Variants in ANK2 observed in about 807,000 individuals in gnomAD.
ANK2 encodes ankyrin-2.
In ANK2, 83 loss-of-function variants were observed where a neutral mutation model predicts 360.5. The ratio of observed to expected loss-of-function variants is 0.23; its 90% CI spans 0.19 to 0.28. The LOEUF is 0.28. Ranked by LOEUF, ANK2 falls within the 10% of genes least tolerant of loss-of-function variation. The pLI is 1.00. For synonymous variants in ANK2, 1,740 were observed against 1,759.5 expected (o/e 0.99, Z 0.28); for missense variants, 4,201 against 4,795.7 (o/e 0.88, Z 3.66).
chr4:112,761,334 G>T, the ANK2 span, among the ~76,000 whole-genome samples: 1 of 151,998 alleles, frequency 6.6e-6, no homozygotes, highest in Admixed American at 6.6e-5. Context: ...TAAAAATAAA[G>T]TTCTCGCCTG....
chr4:113,214,062 G>A lies in ANK2; in HGVS notation c.384+14953G>A, dbSNP rs1209479240. On this transcript the variant is annotated intron_variant, in intron 4 of 45. Transcript: ENST00000357077. ...CTCAGCTCCTTACATGGGCTTTGGT[G>A]GGGGACGTGGGGCAGCACCCGCAGG... 2.8e-6 allele frequency: 2 copies of A among 720,652 alleles called. 1 individual carries two copies. Among genetic ancestry groups the A allele is most frequent in the Non-Finnish European group, 4.7e-6 (2 of 428,998 alleles). 44.6% of individuals were successfully genotyped at this position (720,652 alleles called of 1,614,324 possible).
chr4:112,984,719 C>A (rs2044270147), intron 2 of ANK2, among the ~76,000 whole-genome samples: 1 of 152,052 alleles, frequency 6.6e-6, no homozygotes, highest in Admixed American at 6.5e-5. Context: ...GAAATTTACC[C>A]AATCATGAGA....
chr4:113,128,557 T>G (rs2095810032), intron 1 of ANK2, among the ~76,000 whole-genome samples: 1 of 152,218 alleles, frequency 6.6e-6, no homozygotes, highest in Non-Finnish European at 1.5e-5. Context: ...TGGCGCGATC[T>G]CGGCTCACTG....
the ANK2 span, among the ~76,000 whole-genome samples, chr4:112,719,883 G>C: frequency 6.6e-6 from 1 of 152,122 alleles, no homozygotes; most frequent in Non-Finnish European, 1.5e-5. Flanking sequence ...GAATTGCAAA[G>C]GCTTGGAAGT....
In ANK2 at chr4:113,255,860, T is replaced by C; in HGVS notation, c.1116T>C (p.Ala372=). 1 of 1,614,240 alleles carries C rather than the reference T, an allele frequency of 6.2e-7. No individual in the cohort carries two copies. Among genetic ancestry groups the C allele is most frequent in the Non-Finnish European group, 8.5e-7 (1 of 1,180,044 alleles). ...ACTACCTGACAGCCCTCCACGTTGC[T>C]GCGCACTGTGGCCACTACCGTGTAA... The part of the protein sequence containing the change: ...TLDYLTALHV[A]AHCGHYRVTK... Residue 372 remains alanine (A), a synonymous_variant, in exon 11 of 46, where the codon GCT becomes GCC. Transcript: ENST00000357077.
At chr4:112,735,077 T>C in the ANK2 span, among the ~76,000 whole-genome samples, 47 of 152,330 alleles carry the variant, frequency 3.1e-4, no homozygotes, top group African/African-American at 6.7e-4. Context: ...GAAATATAAC[T>C]CTAACTTCAG....
At chr4:113,174,326 T>C in intron 1 of ANK2, 90 bp from the exon 2 acceptor site, 1 of 1,101,742 alleles carries the variant, frequency 9.1e-7, no homozygotes, top group Non-Finnish European at 1.3e-6. Context: ...AAAGCTTTTC[T>C]GACTTCAGTG....
chr4:113,140,678 C>T (rs1345345110), intron 1 of ANK2, among the ~76,000 whole-genome samples: 1 of 151,976 alleles, frequency 6.6e-6, no homozygotes, highest in Admixed American at 6.6e-5. Flanking sequence ...AGCACTAGCC[C>T]TTTAAGAATA....
intron 2 of ANK2, among the ~76,000 whole-genome samples, chr4:112,994,639 A>G (rs2047939512): frequency 6.6e-6 from 1 of 152,172 alleles, no homozygotes; most frequent in African/African-American, 2.4e-5. Flanking sequence ...CAGGGGGTAC[A>G]TGTGCAATCT....
At chr4:113,015,007 C>T (rs10014679) in intron 2 of ANK2, among the ~76,000 whole-genome samples, 1 of 151,554 alleles carries the variant, frequency 6.6e-6, no homozygotes, top group Admixed American at 6.6e-5. Context: ...TACAGGCGCC[C>T]GCCACCACGC....
rs747833774 is a variant in ANK2 at position 113,355,387 on chromosome 4, C to A, written c.6769C>A (p.Gln2257Lys). 2 of 1,613,886 alleles carry A rather than the reference C, an allele frequency of 1.2e-6. No individual in the cohort carries two copies. Residue 2257 changes from glutamine to lysine, a missense_variant, in exon 38 of 46, where the codon CAA becomes AAA. Coordinates refer to ENST00000357077, the MANE Select transcript of ANK2 (RefSeq NM_001148.6). ...LSFSPKKSEEQTGETKESTKT... is the reference protein window; with the variant it reads ...LSFSPKKSEEKTGETKESTKT... The stretch of plus-strand genomic sequence containing the variant: ...TTTCTCACCAAAGAAAAGTGAGGAG[C>A]AAACTGGGGAAACAAAGGAAAGCAC...
chr4:113,068,151 A>G (rs1316489965), intron 1 of ANK2, among the ~76,000 whole-genome samples: 2 of 152,180 alleles, frequency 1.3e-5, no homozygotes, highest in African/African-American at 4.8e-5. Context: ...TGATAGCCAC[A>G]TCTTTGCAAC....
intron 13 of ANK2, among the ~76,000 whole-genome samples, chr4:113,264,444 G>A (rs908933181): frequency 2.0e-5 from 3 of 152,126 alleles, no homozygotes; most frequent in Non-Finnish European, 4.4e-5. Context: ...TTAAGCTGCT[G>A]ATTGTGAAGT....
upstream of ANK2, among the ~76,000 whole-genome samples, chr4:112,816,893 C>T (rs557720163): frequency 5.8e-4 from 89 of 152,240 alleles, no homozygotes; most frequent in Non-Finnish European, 9.3e-4. Context: ...TGCCTGTAAT[C>T]CCAGCTACTT....
intron 29 of ANK2, 60 bp from the exon 30 acceptor site, chr4:113,335,786 G>A (rs769697315): frequency 3.1e-5 from 48 of 1,528,516 alleles, no homozygotes; most frequent in Non-Finnish European, 4.3e-5. Flanking sequence ...GAGTTGGCTA[G>A]AATGCTGTTA....
chr4:112,822,640 G>A (rs2057445646), intron 1 of ANK2, among the ~76,000 whole-genome samples: 1 of 151,638 alleles, frequency 6.6e-6, no homozygotes, highest in African/African-American at 2.4e-5. Context: ...CAGCTACTAG[G>A]AGGGGTGAGG....
At chr4:113,012,973 G>A (rs1264741277) in intron 2 of ANK2, among the ~76,000 whole-genome samples, 1 of 152,114 alleles carries the variant, frequency 6.6e-6, no homozygotes, top group Non-Finnish European at 1.5e-5. Flanking sequence ...GGGCTTTGTG[G>A]GCGTGAGTTG....
chr4:112,942,110 T>TAA (rs1248681307), intron 2 of ANK2, among the ~76,000 whole-genome samples: 3 of 152,074 alleles, frequency 2.0e-5, no homozygotes, highest in Non-Finnish European at 2.9e-5. Context: ...CTGAGTTATT[T>TAA]AAAAAATATA....
intron 42 of ANK2, among the ~76,000 whole-genome samples, chr4:113,368,783 G>T (rs2096627469): frequency 6.6e-6 from 1 of 152,086 alleles, no homozygotes; most frequent in Non-Finnish European, 1.5e-5. Flanking sequence ...CAACCTGTAG[G>T]TTTTAAAGAA....
Sources: allele counts gnomAD v4.1 joint callset (sites outside exome capture counted in the v4.1 genomes callset), GRCh38; gene constraint gnomAD v4.1.1; transcripts MANE v1.5; gene names NCBI Gene and HGNC (gene_info 2026-07-23, HGNC 2026-07-21).